Variants in COL4A2 observed in about 807,000 individuals in gnomAD.
COL4A2 encodes the protein collagen alpha-2(IV) chain.
Under a neutral mutation model 200.2 loss-of-function variants are expected in COL4A2, and 99 were observed. That is an observed-to-expected ratio of 0.49 (90% confidence interval 0.42 to 0.58). COL4A2 has a LOEUF of 0.58. Ranked by LOEUF, COL4A2 falls within the 20% of genes least tolerant of loss-of-function variation. COL4A2 has a pLI of 0.00. For synonymous variants in COL4A2, 897 were observed against 900.6 expected, an observed-to-expected ratio of 1.00 and a Z score of 0.07; for missense variants, 1,950 against 2,314.1, an observed-to-expected ratio of 0.84 and a Z score of 3.23.
At chr13:110,340,735 G>A (rs899086881) in intron 3 of COL4A2, among the ~76,000 whole-genome samples, 1 of 152,114 alleles carries the variant, frequency 6.6e-6, no homozygotes, top group East Asian at 1.9e-4. Context: ...TTAGGGTCTC[G>A]AGCTCACTCT....
intron 10 of COL4A2, among the ~76,000 whole-genome samples, chr13:110,431,140 C>T (rs1024728590): frequency 1.9e-4 from 29 of 152,266 alleles, no homozygotes; most frequent in African/African-American, 6.7e-4. Flanking sequence ...CCCACCACTG[C>T]ACAATGAGCT....
chr13:110,488,018 C>CTTTTGTTTTG (rs770432007), intron 34 of COL4A2, among the ~76,000 whole-genome samples: 1 of 152,026 alleles, frequency 6.6e-6, no homozygotes, highest in African/African-American at 2.4e-5. Flanking sequence ...CACAAAGGAG[C>CTTTTGTTTTG]TTTTGTTTTG....
chr13:110,430,014 A>G (rs772399688), intron 8 of COL4A2, 58 bp downstream of exon 8: 8 of 1,489,930 alleles, frequency 5.4e-6, no homozygotes, highest in African/African-American at 4.3e-5. Flanking sequence ...TTCTCAACTA[A>G]CAAAGTTAAT....
intron 4 of COL4A2, among the ~76,000 whole-genome samples, chr13:110,405,579 A>T (rs542450153): frequency 6.6e-6 from 1 of 152,374 alleles, no homozygotes; most frequent in Admixed American, 6.5e-5. Context: ...GCTGGAGGAC[A>T]TGAATGGCCC....
rs113100901 is a variant in COL4A2, at chr13:110,469,448, T to A, written c.2203+124T>A. 1,712 of 1,032,686 alleles carry A rather than the reference T, an allele frequency of 1.7e-3. 23 individuals carry two copies. The African/African-American group carries it at 0.024, about 14-fold the overall frequency. The allele number at this position is 1,032,686 out of a possible 1,614,324, so 64.0% of individuals were successfully genotyped here. On this transcript the variant is annotated intron_variant, in intron 28 of 47. Coordinates refer to ENST00000360467, the MANE Select transcript of COL4A2 (RefSeq NM_001846.4). ...GCTGTTTTAACAAATACTTGACAACTTTTGCATTTGTCCTTGGGAGATTAG... is the reference window on the plus strand; with the variant it reads ...GCTGTTTTAACAAATACTTGACAACATTTGCATTTGTCCTTGGGAGATTAG...
chr13:110,428,178 TAGAC>T lies in COL4A2; in HGVS notation c.361-286_361-283del, dbSNP rs10616907. Among the ~76,000 whole-genome samples the T allele has an allele frequency of 0.29, 43,446 of 151,940 alleles. 6,637 individuals carry two copies. The highest frequency in any genetic ancestry group is 0.38 in the African/African-American group (15,886 of 41,380). Reference sequence around the variant, plus strand: ...ATGTAATTTTACTTGTCCCTGCTGATAGACAGTCACTCAACTAGTAAGACAGAAG... The same window carrying T: ...ATGTAATTTTACTTGTCCCTGCTGATAGTCACTCAACTAGTAAGACAGAAG... On this transcript the variant is annotated intron_variant, in intron 6 of 47. Coordinates refer to ENST00000360467, the MANE Select transcript of COL4A2 (RefSeq NM_001846.4).
rs117453954 is a variant in COL4A2 at position 110,368,240 on chromosome 13, A to T, written c.180+10688A>T. 7.6e-3 allele frequency among the ~76,000 whole-genome samples: 1,165 copies of T among 152,336 alleles called. 6 individuals are homozygous for T. The highest frequency in any genetic ancestry group is 9.8e-3 in the Non-Finnish European group (664 of 68,030). ...ATAGACTTTACTGGTAACTTAAGGA[A>T]AGACAAAAAGGCGTAGGTTTATATA... On this transcript the variant is annotated intron_variant, in intron 4 of 47. Transcript: ENST00000360467.
chr13:110,512,221 G>A lies in COL4A2; in HGVS notation c.*30G>A, dbSNP rs753696775. The A allele has an allele frequency of 6.3e-6, 10 of 1,593,540 alleles. No individual in the cohort carries two copies. In the Admixed American group the frequency reaches 9.1e-5, roughly 14 times the overall value. On this transcript the variant is annotated 3_prime_UTR_variant, in exon 48 of 48. Coordinates refer to ENST00000360467, the MANE Select transcript of COL4A2 (RefSeq NM_001846.4). ...GCGCGTGCCAGGAAGGGCCATTTTG[G>A]TGCTTATTCTTAACTTATTACCTCA...
intron 4 of COL4A2, among the ~76,000 whole-genome samples, chr13:110,368,854 G>C (rs1402141586): frequency 6.9e-6 from 1 of 144,486 alleles, no homozygotes; most frequent in African/African-American, 2.5e-5. Context: ...GAAAAGGGGG[G>C]GGGGGGGTTG....
At chr13:110,414,958 C>T (rs1479289624) in intron 4 of COL4A2, among the ~76,000 whole-genome samples, 1 of 152,182 alleles carries the variant, frequency 6.6e-6, no homozygotes, top group African/African-American at 2.4e-5. Flanking sequence ...TTTCCCCTGT[C>T]TTTCTGTAGC....
rs762006517 is a variant in COL4A2, at chr13:110,357,527, A to C, written c.155A>C (p.Gln52Pro). Residue 52 changes from glutamine to proline, a missense_variant, in exon 4 of 48, where the codon CAG becomes CCG. Around this residue, in one of 2 missense-constraint regions of COL4A2, gnomAD observed 565 missense variants for 593.5 expected, o/e 0.95. Transcript: ENST00000360467. ...CGGRDCSGGC[Q>P]CYPEKGGRGQ... is the part of the protein sequence containing the mutation. ...GGAAGAGATTGCAGTGGGGGCTGCC[A>C]GTGCTACCCTGAGAAAGGTGGACGT... 1 of 1,590,486 alleles carries C rather than the reference A, an allele frequency of 6.3e-7. No individual in the cohort carries two copies. The highest frequency in any genetic ancestry group is 1.1e-5 in the South Asian group (1 of 87,572).
intron 3 of COL4A2, among the ~76,000 whole-genome samples, chr13:110,323,414 G>A (rs1885326133): frequency 6.6e-6 from 1 of 152,222 alleles, no homozygotes; most frequent in Non-Finnish European, 1.5e-5. Context: ...TGTGGAAGCT[G>A]GACAGCCGTC....
At chr13:110,376,717 G>A (rs926348170) in intron 4 of COL4A2, among the ~76,000 whole-genome samples, 2 of 152,078 alleles carry the variant, frequency 1.3e-5, no homozygotes, top group African/African-American at 4.8e-5. Context: ...TTCTGCAGTT[G>A]CCTCAAGCTC....
intron 3 of COL4A2, among the ~76,000 whole-genome samples, chr13:110,337,070 C>G (rs1046412359): frequency 6.6e-6 from 1 of 152,196 alleles, no homozygotes; most frequent in African/African-American, 2.4e-5. Context: ...ATGAGGAAAA[C>G]AGACTGCGTT....
At chr13:110,400,175 C>T (rs558531117) in intron 4 of COL4A2, among the ~76,000 whole-genome samples, 20 of 152,138 alleles carry the variant, frequency 1.3e-4, no homozygotes, top group Non-Finnish European at 1.3e-4. Flanking sequence ...GATATATAGA[C>T]CCAATCTCTA....
Position 110,469,344 on chromosome 13 carries a change from C to T in COL4A2, c.2203+20C>T. ...CCCCAGGTGAGTTGAGATCAGACCCCCATTCAGCCCCTGGGTTCCAGCGGG... is the reference window on the plus strand; with the variant it reads ...CCCCAGGTGAGTTGAGATCAGACCCTCATTCAGCCCCTGGGTTCCAGCGGG... On this transcript the variant is annotated intron_variant, in intron 28 of 47. Coordinates refer to ENST00000360467, the MANE Select transcript of COL4A2 (RefSeq NM_001846.4). 4 of 1,557,020 alleles carry T rather than the reference C, an allele frequency of 2.6e-6. No individual in the cohort carries two copies. Among genetic ancestry groups the T allele is most frequent in the Non-Finnish European group, 3.5e-6 (4 of 1,150,106 alleles).
At chr13:110,402,122 C>T (rs1879393734) in intron 4 of COL4A2, among the ~76,000 whole-genome samples, 1 of 152,118 alleles carries the variant, frequency 6.6e-6, no homozygotes, top group Admixed American at 6.5e-5. Flanking sequence ...TTCTAATAGC[C>T]CCCAAAAGTC....
At chr13:110,356,165 G>A (rs376556212) in intron 3 of COL4A2, among the ~76,000 whole-genome samples, 7 of 152,214 alleles carry the variant, frequency 4.6e-5, no homozygotes, top group Non-Finnish European at 5.9e-5. Context: ...TTGCCCCATC[G>A]GGATTGCCCA....
intron 20 of COL4A2, among the ~76,000 whole-genome samples, chr13:110,454,766 A>T (rs747641153): frequency 1.3e-5 from 2 of 151,766 alleles, no homozygotes; most frequent in African/African-American, 2.4e-5. Context: ...TGTGCTGGTC[A>T]CTCGCTCGTT....
Sources: gnomAD v4.1 joint callset for allele counts (sites outside exome capture counted in the v4.1 genomes callset) on GRCh38, gnomAD v4.1.1 for gene constraint, gnomAD v4.1.1 regional missense constraint, MANE v1.5 for transcripts, NCBI Gene and HGNC (gene_info 2026-07-23, HGNC 2026-07-21) for gene names.